ZNF490: variants seen among roughly 807,000 people sequenced by gnomAD.
The protein encoded by ZNF490 is zinc finger protein 490.
ZNF490 carries 11 observed loss-of-function variants against 17.7 expected under a neutral mutation model. The observed-to-expected ratio is 0.62, with a 90% confidence interval of 0.39 to 1.03. The LOEUF (loss-of-function observed/expected upper bound fraction) is 1.03, where lower values mean the gene tolerates loss of function less well. Among genes scored for constraint, ZNF490 ranks in the 50% least tolerant of loss-of-function variants. The pLI is 0.00. For missense variants in ZNF490, 542 were observed against 643.4 expected, an observed-to-expected ratio of 0.84 and a Z score of 1.71; for synonymous variants, 222 against 216.1, an observed-to-expected ratio of 1.03 and a Z score of -0.24.
rs139062350 is a variant in ZNF490, at chr19:12,577,592, G to C, written c.*2893C>G. On this transcript the variant is annotated 3_prime_UTR_variant, in exon 5 of 5. Transcript: ENST00000311437. ...TGGCTCAGCCACCAGGTCCTCCACTGCATCTCCACAGTAGCCGTCACTTCC... is the reference window on the plus strand; with the variant it reads ...TGGCTCAGCCACCAGGTCCTCCACTCCATCTCCACAGTAGCCGTCACTTCC... The C allele has an allele frequency of 0.017, 16,708 of 985,452 alleles. 156 individuals are homozygous for C. Among genetic ancestry groups the C allele is most frequent in the South Asian group, 0.027 (584 of 21,292 alleles). 61.0% of individuals were successfully genotyped at this position (985,452 alleles called of 1,614,324 possible). A position where few individuals can be genotyped will look rare whatever the true frequency, so the allele number is the denominator to read the frequency against.
intron 2 of ZNF490, chr19:12,597,322 C>G (rs1419772703): frequency 2.6e-6 from 1 of 378,990 alleles, no homozygotes; most frequent in South Asian, 1.9e-5. Context: ...AGGGTGCAAG[C>G]GCCTTTTCAA....
chr19:12,606,078 C>T (rs2023065174), intron 2 of ZNF490, among the ~76,000 whole-genome samples: 1 of 151,992 alleles, frequency 6.6e-6, no homozygotes, highest in African/African-American at 2.4e-5. Flanking sequence ...CAGGGTTTCT[C>T]CATGTTGGTC....
chr19:12,595,462 G>C (rs1249324813), intron 2 of ZNF490, among the ~76,000 whole-genome samples: 1 of 151,874 alleles, frequency 6.6e-6, no homozygotes, highest in Non-Finnish European at 1.5e-5. Flanking sequence ...TTGCAATTAG[G>C]TCAAAACCTA....
In ZNF490 at chr19:12,610,664, CTG is replaced by C; in HGVS notation, c.15_16del (p.Leu7GlnfsTer19). ...GGGTCGCTCCATCTGGAAACTGAGACTGGAATTCCTGCGCATCCCTGTCCCCG... is the reference window on the plus strand; with the variant it reads ...GGGTCGCTCCATCTGGAAACTGAGACGAATTCCTGCGCATCCCTGTCCCCG... On this transcript the variant is annotated frameshift_variant, in exon 1 of 5. Transcript: ENST00000311437. LOFTEE classifies it high-confidence loss of function. 1 of 1,613,854 alleles carries C rather than the reference CTG, an allele frequency of 6.2e-7. No homozygotes were observed. Among genetic ancestry groups the C allele is most frequent in the Non-Finnish European group, 8.5e-7 (1 of 1,180,008 alleles).
At chr19:12,590,069 C>G (rs1406707787) in intron 2 of ZNF490, among the ~76,000 whole-genome samples, 1 of 151,818 alleles carries the variant, frequency 6.6e-6, no homozygotes, top group Non-Finnish European at 1.5e-5. Context: ...CATGTGCCAC[C>G]ACGCCCCGCT....
Position 12,584,263 on chromosome 19 carries a change from T to G in ZNF490, c.163-707A>C, listed in dbSNP as rs1256356547. Among the ~76,000 whole-genome samples, 2 of 90,718 alleles carry G rather than the reference T, an allele frequency of 2.2e-5. 1 individual carries two copies. The highest frequency in any genetic ancestry group is 2.1e-4 in the Admixed American group (2 of 9,550). 59.5% of individuals were successfully genotyped at this position (90,718 alleles called of 152,430 possible). A position where few individuals can be genotyped will look rare whatever the true frequency, so the allele number is the denominator to read the frequency against. On this transcript the variant is annotated intron_variant, in intron 2 of 4. Transcript: ENST00000311437. The stretch of plus-strand genomic sequence containing the variant: ...CCTCCTCCTCCCAGGTTCCAGTGAT[T>G]ATCCTGCCCCAACCTCCCAAGTAGC...
chr19:12,603,116 T>C (rs1277652397), intron 2 of ZNF490, among the ~76,000 whole-genome samples: 2 of 152,116 alleles, frequency 1.3e-5, no homozygotes, highest in South Asian at 2.1e-4. Context: ...TATTGTGAAA[T>C]ATATAATTTG....
rs2022659207 is a variant in ZNF490, at chr19:12,577,480, T to C, written c.*3005A>G. ...AAAGGACCTGAAATGGGTTGAGTAA[T>C]AATGTTCCAACCCCTCATACTACCA... On this transcript the variant is annotated 3_prime_UTR_variant, in exon 5 of 5. Coordinates refer to ENST00000311437, the MANE Select transcript of ZNF490 (RefSeq NM_020714.3). 1.0e-6 allele frequency: 1 copy of C among 985,164 alleles called. No homozygotes were observed. The highest frequency in any genetic ancestry group is 1.7e-5 in the African/African-American group (1 of 57,154). The allele number at this position is 985,164 out of a possible 1,614,324, so 61.0% of individuals were successfully genotyped here.
chr19:12,596,278 A>AAAAAAAAG, intron 2 of ZNF490, among the ~76,000 whole-genome samples: 1 of 151,876 alleles, frequency 6.6e-6, no homozygotes, highest in Admixed American at 6.6e-5. Context: ...AAAAAAAAAA[A>AAAAAAAAG]AAGTGATTTG....
chr19:12,594,116 T>G lies in ZNF490; in HGVS notation c.163-10560A>C, dbSNP rs2022904314. Among the ~76,000 whole-genome samples the G allele has an allele frequency of 3.3e-5, 5 of 152,258 alleles. 1 individual carries two copies. The South Asian group carries it at 1.0e-3, about 32-fold the overall frequency. On this transcript the variant is annotated intron_variant, in intron 2 of 4. Transcript: ENST00000311437. ...GGCTGTTTCTTGCATCAGAGCCCTA[T>G]GGACAACTTATGGTCATCATGGATA...
rs577365976 is a variant in ZNF490, at chr19:12,588,218, C to T, written c.163-4662G>A. 1.1e-4 allele frequency among the ~76,000 whole-genome samples: 17 copies of T among 152,170 alleles called. No homozygotes were observed. The East Asian group carries it at 3.1e-3, about 28-fold the overall frequency. ...TTCACCACGTTGGTTAGGCTGGTGG[C>T]AAACTCCCGACCTCGTGATGTGCCC... On this transcript the variant is annotated intron_variant, in intron 2 of 4. Transcript: ENST00000311437.
At position 12,584,445 on chromosome 19, in the gene ZNF490, C is replaced by T. The variant is rs569165842; in HGVS notation, c.163-889G>A. Among the ~76,000 whole-genome samples, 106 of 94,562 alleles carry T rather than the reference C, an allele frequency of 1.1e-3. 32 individuals carry two copies. Among genetic ancestry groups the T allele is most frequent in the African/African-American group, 3.2e-3 (102 of 31,648 alleles). 62.0% of individuals were successfully genotyped at this position (94,562 alleles called of 152,430 possible). ...TGCTGGGATTACAGGCGTGAGCCAC[C>T]GCGCCCGGCCACCTTATTGCTCTTT... is the stretch of plus-strand genomic sequence containing the variant. On this transcript the variant is annotated intron_variant, in intron 2 of 4. Coordinates refer to ENST00000311437, the MANE Select transcript of ZNF490 (RefSeq NM_020714.3).
intron 2 of ZNF490, among the ~76,000 whole-genome samples, chr19:12,587,956 G>A (rs1350177806): frequency 1.1e-5 from 1 of 93,196 alleles, no homozygotes; most frequent in African/African-American, 3.2e-5. Context: ...TACAACCTCC[G>A]CCTCCCAGGT....
chr19:12,607,042 ATAAG>A (rs1265145410), intron 2 of ZNF490, among the ~76,000 whole-genome samples: 1 of 152,134 alleles, frequency 6.6e-6, no homozygotes, highest in Non-Finnish European at 1.5e-5. Flanking sequence ...CATATGGCTC[ATAAG>A]TAATAATGAA....
Position 12,577,563 on chromosome 19 carries a change from C to T in ZNF490, c.*2922G>A, listed in dbSNP as rs1358046451. ...TGGTGAGAGAAGCGAAGGTGTGCATCTCCTGGCTCAGCCACCAGGTCCTCC... is the reference window on the plus strand; with the variant it reads ...TGGTGAGAGAAGCGAAGGTGTGCATTTCCTGGCTCAGCCACCAGGTCCTCC... On this transcript the variant is annotated 3_prime_UTR_variant, in exon 5 of 5. Coordinates refer to ENST00000311437, the MANE Select transcript of ZNF490 (RefSeq NM_020714.3). 1 of 985,256 alleles carries T rather than the reference C, an allele frequency of 1.0e-6. No homozygotes were observed. 61.0% of individuals were successfully genotyped at this position (985,256 alleles called of 1,614,324 possible).
intron 1 of ZNF490, chr19:12,609,779 A>G (rs2023121338): frequency 6.3e-6 from 2 of 317,060 alleles, no homozygotes; most frequent in Admixed American, 9.4e-5. Flanking sequence ...GAGCTAAACA[A>G]TGGGTAAACA....
At position 12,606,937 on chromosome 19, in the gene ZNF490, A is replaced by G. The variant is rs150904184; in HGVS notation, c.162+2221T>C. 9.8e-4 allele frequency among the ~76,000 whole-genome samples: 149 copies of G among 152,282 alleles called. 1 individual carries two copies. The East Asian group carries it at 0.026, about 27-fold the overall frequency. The stretch of plus-strand genomic sequence containing the variant: ...TGGTGACTAATGTGATTTCATAATC[A>G]TTAGTATTTCATTTGATTAGCCCCA... On this transcript the variant is annotated intron_variant, in intron 2 of 4. Coordinates refer to ENST00000311437, the MANE Select transcript of ZNF490 (RefSeq NM_020714.3).
intron 2 of ZNF490, among the ~76,000 whole-genome samples, chr19:12,600,943 A>G (rs1295219970): frequency 6.6e-6 from 1 of 152,090 alleles, no homozygotes. Flanking sequence ...TACAAAAATT[A>G]GCCAGGTGTG....
intron 2 of ZNF490, among the ~76,000 whole-genome samples, chr19:12,595,598 TC>T (rs1303158142): frequency 6.6e-6 from 1 of 152,102 alleles, no homozygotes; most frequent in Non-Finnish European, 1.5e-5. Flanking sequence ...TATATTTTTT[TC>T]CTCCAGAAAA....
Sources: allele counts gnomAD v4.1 joint callset (sites outside exome capture counted in the v4.1 genomes callset), GRCh38; gene constraint gnomAD v4.1.1; transcripts MANE v1.5; gene names NCBI Gene and HGNC (gene_info 2026-07-23, HGNC 2026-07-21).